Variants in PARD3 observed in about 807,000 individuals in gnomAD.
The protein encoded by PARD3 is par-3 family cell polarity regulator.
A neutral mutation model predicts 155.4 loss-of-function variants in PARD3; 75 were observed. The ratio of observed to expected loss-of-function variants is 0.48; its 90% CI spans 0.40 to 0.58. The LOEUF (loss-of-function observed/expected upper bound fraction) is 0.58. Among genes scored for constraint, PARD3 ranks in the 20% least tolerant of loss-of-function variants. The probability of loss-of-function intolerance (pLI) is 0.00; values close to 1 mark genes in which losing one functional copy is unlikely to be tolerated. For missense variants in PARD3, 1,642 were observed against 1,721.7 expected (o/e 0.95, Z 0.82); for synonymous variants, 576 against 610.5 (o/e 0.94, Z 0.83).
At chr10:34,776,227 A>G (rs983953773) in intron 1 of PARD3, among the ~76,000 whole-genome samples, 1 of 152,358 alleles carries the variant, frequency 6.6e-6, no homozygotes, top group South Asian at 2.1e-4. Flanking sequence ...TAACAAGAAG[A>G]CAAGGGAACA....
intron 2 of PARD3, among the ~76,000 whole-genome samples, chr10:34,681,292 A>T (rs1310995759): frequency 1.3e-5 from 2 of 152,172 alleles, no homozygotes; most frequent in African/African-American, 4.8e-5. Flanking sequence ...TTGTTCTGCC[A>T]CAGGTTGGAG....
At chr10:34,558,027 T>C (rs114118294) in intron 2 of PARD3, among the ~76,000 whole-genome samples, 125 of 152,302 alleles carry the variant, frequency 8.2e-4, no homozygotes, top group African/African-American at 2.8e-3. Flanking sequence ...AGGGCTATTT[T>C]TCAATCAAAA....
chr10:34,520,169 C>T (rs569402800), intron 2 of PARD3, among the ~76,000 whole-genome samples: 1 of 152,294 alleles, frequency 6.6e-6, no homozygotes, highest in Admixed American at 6.5e-5. Flanking sequence ...GGAACAAATG[C>T]TATTTCCATG....
rs1554775624 is a variant in PARD3, at chr10:34,579,572, G to GTGTGTGTA, written c.223-62414_223-62413insTACACACA. On this transcript the variant is annotated intron_variant, in intron 2 of 24. Coordinates refer to ENST00000374788, the MANE Select transcript of PARD3 (RefSeq NM_001184785.2). ...ATTTTCTCTGTGTGTGTGTGTGTGT[G>GTGTGTGTA]TGTGTGTGTGTGTGTGTGTGTGTTT... Among the ~76,000 whole-genome samples the GTGTGTGTA allele has an allele frequency of 2.8e-3, 423 of 149,652 alleles. 8 individuals are homozygous for GTGTGTGTA. Among genetic ancestry groups the GTGTGTGTA allele is most frequent in the Admixed American group, 0.021 (314 of 15,068 alleles).
intron 2 of PARD3, among the ~76,000 whole-genome samples, chr10:34,569,991 C>T (rs973176094): frequency 1.5e-4 from 23 of 151,326 alleles, no homozygotes; most frequent in Admixed American, 1.5e-3. Flanking sequence ...TATCGTAAGA[C>T]TTTTTTATTT....
chr10:34,647,234 C>A (rs2092868632), intron 2 of PARD3, among the ~76,000 whole-genome samples: 1 of 152,194 alleles, frequency 6.6e-6, no homozygotes, highest in Non-Finnish European at 1.5e-5. Context: ...AACAACAAGT[C>A]ATAAGCTGGA....
At chr10:34,755,175 G>A (rs1836549505) in intron 1 of PARD3, among the ~76,000 whole-genome samples, 1 of 151,924 alleles carries the variant, frequency 6.6e-6, no homozygotes. Flanking sequence ...GCTGAGGCGG[G>A]CAGATCACTT....
intron 2 of PARD3, among the ~76,000 whole-genome samples, chr10:34,630,842 G>T (rs1157305963): frequency 7.3e-6 from 1 of 137,908 alleles, no homozygotes; most frequent in Non-Finnish European, 1.6e-5. Flanking sequence ...TTTATTTATT[G>T]AAACAAGGGG....
At chr10:34,142,372 T>A (rs1203269562) in intron 22 of PARD3, among the ~76,000 whole-genome samples, 1 of 150,424 alleles carries the variant, frequency 6.6e-6, no homozygotes, top group Non-Finnish European at 1.5e-5. Context: ...CAAGACCCCA[T>A]CTCTAAAAAA....
chr10:34,309,331 A>G (rs111785767), intron 20 of PARD3, among the ~76,000 whole-genome samples: 4,097 of 152,112 alleles, frequency 0.027, 174 homozygotes, highest in African/African-American at 0.094. Flanking sequence ...GGCAGAGGCC[A>G]GAGGATTGCT....
At chr10:34,629,558 A>C (rs904583868) in intron 2 of PARD3, among the ~76,000 whole-genome samples, 5 of 152,244 alleles carry the variant, frequency 3.3e-5, no homozygotes, top group African/African-American at 1.2e-4. Flanking sequence ...GATCACTTCC[A>C]ATCTGCTAGA....
In PARD3 at chr10:34,377,597, A is replaced by T. The variant is rs111468661; in HGVS notation, c.1539+370T>A. 9.8e-3 allele frequency among the ~76,000 whole-genome samples: 1,492 copies of T among 152,178 alleles called. 26 individuals are homozygous for T. Among genetic ancestry groups the T allele is most frequent in the African/African-American group, 0.034 (1,400 of 41,522 alleles). ...AGAGCGAGACTCCATCTCATAAAAAAAAATAAATAAATAAATGGAAAGATA... is the reference window on the plus strand; with the variant it reads ...AGAGCGAGACTCCATCTCATAAAAATAAATAAATAAATAAATGGAAAGATA... On this transcript the variant is annotated intron_variant, in intron 10 of 24. Transcript: ENST00000374788.
intron 5 of PARD3, among the ~76,000 whole-genome samples, chr10:34,431,789 C>CCTGTAATGT (rs1163470787): frequency 6.9e-6 from 1 of 145,718 alleles, no homozygotes; most frequent in Non-Finnish European, 1.5e-5. Flanking sequence ...GTGGCTCATG[C>CCTGTAATGT]CTGTAATCCC....
chr10:34,758,792 G>T (rs760280184), intron 1 of PARD3, among the ~76,000 whole-genome samples: 4 of 152,156 alleles, frequency 2.6e-5, no homozygotes, highest in Non-Finnish European at 4.4e-5. Context: ...CCTGTGAAAG[G>T]GCACACCTGG....
At position 34,382,653 on chromosome 10, in the gene PARD3, C is replaced by A; in HGVS notation, c.1286G>T (p.Gly429Val). The A allele has an allele frequency of 6.2e-7, 1 of 1,614,064 alleles. No homozygotes were observed. Among genetic ancestry groups the A allele is most frequent in the East Asian group, 2.2e-5 (1 of 44,876 alleles). ...SRLPHSAHPSGKPPSAPASAP... is the reference protein window; with the variant it reads ...SRLPHSAHPSVKPPSAPASAP... ...CGAGGCTGGAGCGGATGGTGGTTTT[C>A]CCGAGGGGTGTGCGCTATGAGGTAG... Residue 429 changes from glycine (G) to valine (V), a missense_variant, in exon 9 of 25, where the codon GGA (glycine) becomes GTA (valine). Around this residue, in one of 3 missense-constraint regions of PARD3, gnomAD observed 1,529 missense variants for 1,587.3 expected, o/e 0.96. Coordinates refer to ENST00000374788, the MANE Select transcript of PARD3 (RefSeq NM_001184785.2).
chr10:34,662,132 C>G (rs980619118), intron 2 of PARD3, among the ~76,000 whole-genome samples: 1 of 152,130 alleles, frequency 6.6e-6, no homozygotes, highest in Non-Finnish European at 1.5e-5. Context: ...ATCAGTATTC[C>G]TCATTCTCAA....
Position 34,651,011 on chromosome 10 carries a change from C to CCAA in PARD3, c.222+45306_222+45307insTTG, listed in dbSNP as rs1404556380. 6.5e-4 allele frequency among the ~76,000 whole-genome samples: 29 copies of CCAA among 44,546 alleles called. 1 individual carries two copies. The highest frequency in any genetic ancestry group is 4.6e-3 in the South Asian group (4 of 872). 29.2% of individuals were successfully genotyped at this position (44,546 alleles called of 152,430 possible). On this transcript the variant is annotated intron_variant, in intron 2 of 24. Coordinates refer to ENST00000374788, the MANE Select transcript of PARD3 (RefSeq NM_001184785.2). ...GGGCAACAAGAACGAAACTCTGTCT[C>CCAA]AAAAAAAAAAAAAAAAAAAAAAAAA... is the stretch of plus-strand genomic sequence containing the variant.
At chr10:34,267,812 T>C (rs1173624148) in intron 22 of PARD3, among the ~76,000 whole-genome samples, 1 of 152,028 alleles carries the variant, frequency 6.6e-6, no homozygotes, top group Non-Finnish European at 1.5e-5. Context: ...TGGACATGGG[T>C]AAGAAATGCA....
chr10:34,347,947 G>A lies in PARD3; in HGVS notation c.2218+18C>T, dbSNP rs753826893. 12 of 1,601,260 alleles carry A rather than the reference G, an allele frequency of 7.5e-6. No individual in the cohort carries two copies. In the Admixed American group the frequency reaches 2.0e-4, roughly 27 times the overall value. On this transcript the variant is annotated intron_variant, in intron 15 of 24. Transcript: ENST00000374788. ...GCATCAAAATAAGATGTGATAAACAGAGTTTTACCTGACTCACCCATTATC... is the reference window on the plus strand; with the variant it reads ...GCATCAAAATAAGATGTGATAAACAAAGTTTTACCTGACTCACCCATTATC...
Sources: gnomAD v4.1 joint callset for allele counts (sites outside exome capture counted in the v4.1 genomes callset) on GRCh38, gnomAD v4.1.1 for gene constraint, gnomAD v4.1.1 regional missense constraint, MANE v1.5 for transcripts, NCBI Gene and HGNC (gene_info 2026-07-23, HGNC 2026-07-21) for gene names.